Variants in SLC24A2 observed in about 807,000 individuals in gnomAD.
SLC24A2 encodes solute carrier family 24 member 2, also known as sodium/potassium/calcium exchanger 2.
In SLC24A2, 36 loss-of-function variants were observed where a neutral mutation model predicts 62.0. The ratio of observed to expected loss-of-function variants is 0.58; its 90% CI spans 0.44 to 0.77. The LOEUF is 0.77. Ranked by LOEUF, SLC24A2 falls within the 30% of genes least tolerant of loss-of-function variation. The pLI, the probability that SLC24A2 is intolerant of heterozygous loss-of-function variation, is 0.00. For missense variants in SLC24A2, 846 were observed against 817.9 expected (o/e 1.03, Z -0.42); for synonymous variants, 358 against 294.0 (o/e 1.22, Z -2.23).
chr9:19,962,379 GT>G, the SLC24A2 span, among the ~76,000 whole-genome samples: 1 of 152,198 alleles, frequency 6.6e-6, no homozygotes, highest in Non-Finnish European at 1.5e-5. Flanking sequence ...CTTTAAAGTA[GT>G]TTTTTCCAAT....
chr9:19,754,771 G>A (rs529760838), intron 2 of SLC24A2, among the ~76,000 whole-genome samples: 2 of 151,876 alleles, frequency 1.3e-5, no homozygotes, highest in African/African-American at 4.8e-5. Flanking sequence ...AACCAAAACT[G>A]TGCCAAAATG....
At chr9:20,241,868 A>AAGG in the SLC24A2 span, among the ~76,000 whole-genome samples, 2 of 152,306 alleles carry the variant, frequency 1.3e-5, no homozygotes, top group South Asian at 4.1e-4. Flanking sequence ...TCTAAAAAAC[A>AAGG]TGGCTGCAAC....
At chr9:19,717,895 A>C (rs994803393) in intron 2 of SLC24A2, among the ~76,000 whole-genome samples, 1 of 152,132 alleles carries the variant, frequency 6.6e-6, no homozygotes. Context: ...TTTAGTTACA[A>C]GAAGAAAATC....
intron 2 of SLC24A2, among the ~76,000 whole-genome samples, chr9:19,686,291 G>C (rs936792033): frequency 6.6e-6 from 1 of 152,118 alleles, no homozygotes; most frequent in African/African-American, 2.4e-5. Context: ...TGAAGGGAAT[G>C]CTTAGACACT....
the SLC24A2 span, among the ~76,000 whole-genome samples, chr9:20,081,382 A>G: frequency 2.7e-4 from 40 of 150,928 alleles, 3 homozygotes; most frequent in African/African-American, 9.0e-4. Context: ...ACAAAGACAA[A>G]AAACCAAACA....
At chr9:19,777,138 A>AAT (rs1822869398) in intron 2 of SLC24A2, among the ~76,000 whole-genome samples, 1 of 152,258 alleles carries the variant, frequency 6.6e-6, no homozygotes, top group African/African-American at 2.4e-5. Flanking sequence ...GATTCTCAGC[A>AAT]TATATTTGTA....
At chr9:20,228,476 T>TA in the SLC24A2 span, among the ~76,000 whole-genome samples, 2 of 151,362 alleles carry the variant, frequency 1.3e-5, no homozygotes, top group African/African-American at 2.4e-5. Context: ...AATTGTCTTT[T>TA]AAAAAAAAAT....
the SLC24A2 span, among the ~76,000 whole-genome samples, chr9:19,803,180 T>C: frequency 1.6e-3 from 245 of 152,334 alleles, 1 homozygote; most frequent in African/African-American, 5.2e-3. Flanking sequence ...GTGATATATA[T>C]GTGTAGTTCT....
chr9:19,680,083 C>A (rs372919709), intron 2 of SLC24A2, among the ~76,000 whole-genome samples: 1 of 152,068 alleles, frequency 6.6e-6, no homozygotes, highest in Non-Finnish European at 1.5e-5. Flanking sequence ...TTACTGTGTG[C>A]CAGACAATAT....
At chr9:19,631,619 A>G (rs1291871978) in intron 2 of SLC24A2, among the ~76,000 whole-genome samples, 1 of 152,158 alleles carries the variant, frequency 6.6e-6, no homozygotes, top group African/African-American at 2.4e-5. Flanking sequence ...CAAACATAGA[A>G]GTTTTGACTG....
the SLC24A2 span, among the ~76,000 whole-genome samples, chr9:20,203,101 T>C: frequency 6.9e-6 from 1 of 143,944 alleles, no homozygotes; most frequent in Non-Finnish European, 1.5e-5. Context: ...ACACTAAAGT[T>C]GGAGAACCAC....
intron 2 of SLC24A2, among the ~76,000 whole-genome samples, chr9:19,742,864 G>C (rs1280565814): frequency 6.6e-6 from 1 of 152,086 alleles, no homozygotes; most frequent in Non-Finnish European, 1.5e-5. Flanking sequence ...CTCTAATGTT[G>C]AGAAACTGTC....
At chr9:20,168,384 T>G in the SLC24A2 span, among the ~76,000 whole-genome samples, 1 of 151,758 alleles carries the variant, frequency 6.6e-6, no homozygotes, top group African/African-American at 2.4e-5. Context: ...TAAATACAAC[T>G]TCATCAAATT....
chr9:19,905,963 T>C, the SLC24A2 span, among the ~76,000 whole-genome samples: 3 of 152,164 alleles, frequency 2.0e-5, no homozygotes, highest in Non-Finnish European at 4.4e-5. Flanking sequence ...AACTCAGCTC[T>C]GCACCAAGCA....
intron 2 of SLC24A2, among the ~76,000 whole-genome samples, chr9:19,662,091 A>G (rs1819118182): frequency 6.6e-6 from 1 of 152,224 alleles, no homozygotes; most frequent in Non-Finnish European, 1.5e-5. Context: ...CTGCTGTCCA[A>G]CAGAAATAAA....
chr9:19,905,533 C>T, the SLC24A2 span, among the ~76,000 whole-genome samples: 3 of 151,822 alleles, frequency 2.0e-5, no homozygotes, highest in Non-Finnish European at 2.9e-5. Flanking sequence ...TTCAGCCTCC[C>T]GAGTAGCTGG....
intron 2 of SLC24A2, among the ~76,000 whole-genome samples, chr9:19,631,044 C>G (rs1395279358): frequency 1.3e-5 from 2 of 152,138 alleles, no homozygotes; most frequent in African/African-American, 4.8e-5. Context: ...CTCCCTAGTT[C>G]ATTCTTTTGT....
the SLC24A2 span, among the ~76,000 whole-genome samples, chr9:19,882,054 A>G: frequency 1.3e-5 from 2 of 152,186 alleles, no homozygotes; most frequent in African/African-American, 4.8e-5. Context: ...AATCGTTTCA[A>G]ACACCACCAT....
chr9:19,619,313 C>T (rs1280196383), intron 4 of SLC24A2, among the ~76,000 whole-genome samples: 1 of 152,192 alleles, frequency 6.6e-6, no homozygotes, highest in Non-Finnish European at 1.5e-5. Flanking sequence ...GTCCTCTCTG[C>T]TTCATAACAA....
Sources: allele counts gnomAD v4.1 joint callset (sites outside exome capture counted in the v4.1 genomes callset), GRCh38; gene constraint gnomAD v4.1.1; transcripts MANE v1.5; gene names NCBI Gene and HGNC (gene_info 2026-07-23, HGNC 2026-07-21).